Variants in UBE2E2 observed in about 807,000 individuals in gnomAD.
The protein encoded by UBE2E2 is ubiquitin conjugating enzyme E2 E2.
In UBE2E2, 6 loss-of-function variants were observed where a neutral mutation model predicts 24.7. That is an observed-to-expected ratio of 0.24 (90% confidence interval 0.13 to 0.48). UBE2E2 has a LOEUF of 0.48. Ranked by LOEUF, UBE2E2 falls within the 20% of genes least tolerant of loss-of-function variation. The probability of loss-of-function intolerance (pLI) is 0.99; values close to 1 mark genes in which losing one functional copy is unlikely to be tolerated. For missense variants in UBE2E2, 169 were observed against 245.0 expected (o/e 0.69, Z 2.07); for synonymous variants, 104 against 83.6 (o/e 1.24, Z -1.33).
chr3:23,215,560 T>C (rs1696453025), intron 2 of UBE2E2, among the ~76,000 whole-genome samples: 1 of 152,154 alleles, frequency 6.6e-6, no homozygotes, highest in Non-Finnish European at 1.5e-5. Context: ...GGATTTCTGA[T>C]TACTTCCCCC....
chr3:23,391,953 T>C (rs1032602699), intron 3 of UBE2E2, among the ~76,000 whole-genome samples: 3 of 152,156 alleles, frequency 2.0e-5, no homozygotes, highest in Non-Finnish European at 4.4e-5. Context: ...GAATATCTAT[T>C]CCTCTCCAAA....
chr3:23,269,505 A>T (rs1698173824), intron 3 of UBE2E2, among the ~76,000 whole-genome samples: 1 of 152,196 alleles, frequency 6.6e-6, no homozygotes, highest in African/African-American at 2.4e-5. Flanking sequence ...GAAGGATCAC[A>T]GTCTGCCAGG....
At chr3:23,476,552 G>A (rs1373252442) in intron 3 of UBE2E2, among the ~76,000 whole-genome samples, 2 of 152,024 alleles carry the variant, frequency 1.3e-5, no homozygotes, top group African/African-American at 4.8e-5. Flanking sequence ...AAAATTAATG[G>A]GGTCTGGTGG....
chr3:23,385,837 A>C (rs1696793865), intron 3 of UBE2E2, among the ~76,000 whole-genome samples: 1 of 152,240 alleles, frequency 6.6e-6, no homozygotes, highest in South Asian at 2.1e-4. Context: ...GAAGTTTTTC[A>C]ATAAAGGAGG....
Position 23,258,675 on chromosome 3 carries a change from C to T in UBE2E2, c.227+41363C>T, listed in dbSNP as rs184546845. The stretch of plus-strand genomic sequence containing the variant: ...TTGGGAGGCCGAGGCGGGCAGATCA[C>T]GAGCTCAGGAGATGGAGACCATCCT... On this transcript the variant is annotated intron_variant, in intron 3 of 5. Coordinates refer to ENST00000396703, the MANE Select transcript of UBE2E2 (RefSeq NM_152653.4). Among the ~76,000 whole-genome samples the T allele has an allele frequency of 2.2e-4, 33 of 152,150 alleles. 1 individual carries two copies. In the East Asian group the frequency reaches 4.3e-3, roughly 20 times the overall value.
chr3:23,295,407 T>TC (rs1415477948), intron 3 of UBE2E2, among the ~76,000 whole-genome samples: 1 of 152,224 alleles, frequency 6.6e-6, no homozygotes, highest in Non-Finnish European at 1.5e-5. Flanking sequence ...TGCAGATTCC[T>TC]CTAAAGAGGG....
chr3:23,522,272 A>C (rs1364566558), intron 4 of UBE2E2, among the ~76,000 whole-genome samples: 1 of 151,762 alleles, frequency 6.6e-6, no homozygotes, highest in Non-Finnish European at 1.5e-5. Context: ...CTGGGACTAC[A>C]GGCGCCCGCC....
At chr3:23,420,004 A>G (rs895153589) in intron 3 of UBE2E2, among the ~76,000 whole-genome samples, 3 of 152,202 alleles carry the variant, frequency 2.0e-5, no homozygotes, top group Non-Finnish European at 4.4e-5. Flanking sequence ...AAGACTAGGC[A>G]TGTACATACA....
intron 3 of UBE2E2, among the ~76,000 whole-genome samples, chr3:23,281,926 TTC>T (rs1698499128): frequency 6.6e-6 from 1 of 152,250 alleles, no homozygotes; most frequent in Non-Finnish European, 1.5e-5. Context: ...ATTAAATACT[TTC>T]TTTGTGCCAC....
rs187228885 is a variant in UBE2E2, at chr3:23,287,295, T to C, written c.227+69983T>C. Reference sequence around the variant, plus strand: ...TCCACTTGGCCATGATAAAATGATCTTTTAAAATGTGTTGTTGAATTTGGT... The same window carrying C: ...TCCACTTGGCCATGATAAAATGATCCTTTAAAATGTGTTGTTGAATTTGGT... On this transcript the variant is annotated intron_variant, in intron 3 of 5. Coordinates refer to ENST00000396703, the MANE Select transcript of UBE2E2 (RefSeq NM_152653.4). Among the ~76,000 whole-genome samples, 8 of 152,286 alleles carry C rather than the reference T, an allele frequency of 5.3e-5. No individual in the cohort carries two copies. In the East Asian group the frequency reaches 1.2e-3, roughly 22 times the overall value.
In UBE2E2 at chr3:23,332,079, G is replaced by A. The variant is rs148323116; in HGVS notation, c.227+114767G>A. ...ATTTTAAAGTATGTAAAGGAATATTGTGGAATAATTTGTATTAATGCTATT... is the reference window on the plus strand; with the variant it reads ...ATTTTAAAGTATGTAAAGGAATATTATGGAATAATTTGTATTAATGCTATT... On this transcript the variant is annotated intron_variant, in intron 3 of 5. Transcript: ENST00000396703. Among the ~76,000 whole-genome samples the A allele has an allele frequency of 8.5e-5, 13 of 152,228 alleles. No homozygotes were observed. The East Asian group carries it at 2.5e-3, about 29-fold the overall frequency.
intron 3 of UBE2E2, among the ~76,000 whole-genome samples, chr3:23,487,077 C>A (rs1347026367): frequency 6.6e-6 from 1 of 152,218 alleles, no homozygotes; most frequent in Non-Finnish European, 1.5e-5. Flanking sequence ...CTCAATACCC[C>A]CGGCCTCCCT....
rs139541751 is a variant in UBE2E2 at position 23,554,402 on chromosome 3, C to T, written c.508+21701C>T. Among the ~76,000 whole-genome samples the T allele has an allele frequency of 1.7e-3, 265 of 152,184 alleles. 4 individuals carry two copies. Among genetic ancestry groups the T allele is most frequent in the East Asian group, 0.015 (77 of 5,180 alleles). ...CAGTGGCTCATGCCTGTAGCCTAAG[C>T]TACTTGGGTGGCTAAGGCAGGAGGA... On this transcript the variant is annotated intron_variant, in intron 5 of 5. Transcript: ENST00000396703.
chr3:23,415,694 G>C (rs1013181398), intron 3 of UBE2E2, among the ~76,000 whole-genome samples: 2 of 151,956 alleles, frequency 1.3e-5, no homozygotes, highest in Non-Finnish European at 2.9e-5. Flanking sequence ...ACTTTTTGTA[G>C]GTCATATCAG....
intron 3 of UBE2E2, among the ~76,000 whole-genome samples, chr3:23,410,414 CAT>C (rs1384953775): frequency 1.3e-5 from 2 of 152,122 alleles, no homozygotes; most frequent in Admixed American, 6.6e-5. Context: ...CACATACTCT[CAT>C]GTGTTGAGAG....
At chr3:23,479,854 G>A (rs983245217) in intron 3 of UBE2E2, among the ~76,000 whole-genome samples, 2 of 152,162 alleles carry the variant, frequency 1.3e-5, no homozygotes, top group East Asian at 3.9e-4. Flanking sequence ...GGGTTTTTAT[G>A]TGCTCAGAAT....
At chr3:23,398,034 C>T (rs968401692) in intron 3 of UBE2E2, among the ~76,000 whole-genome samples, 1 of 152,038 alleles carries the variant, frequency 6.6e-6, no homozygotes, top group Non-Finnish European at 1.5e-5. Context: ...AACTTGGGGC[C>T]AGGCGCGGTG....
At chr3:23,476,115 A>T (rs761447541) in intron 3 of UBE2E2, among the ~76,000 whole-genome samples, 16 of 151,916 alleles carry the variant, frequency 1.1e-4, no homozygotes, top group Non-Finnish European at 2.1e-4. Flanking sequence ...CCACCAAGCA[A>T]ATTTTTTGTA....
chr3:23,217,302 C>T lies in UBE2E2; in HGVS notation c.217C>T (p.Pro73Ser). 36 of 1,612,692 alleles carry T rather than the reference C, an allele frequency of 2.2e-5. No homozygotes were observed. The highest frequency in any genetic ancestry group is 3.1e-5 in the Non-Finnish European group (36 of 1,179,066). The change falls in exon 3 of 6, where the codon CCC becomes TCC. Residue 73 changes from proline (P) to serine (S), a missense_variant. Pro to Ser is a moderately conservative substitution (Grantham distance 74, BLOSUM62 -1). Coordinates refer to ENST00000396703, the MANE Select transcript of UBE2E2 (RefSeq NM_152653.4). ...ELAEITLDPP[P>S]NCSAGPKGDN... ...TGCAGAAATCACATTGGACCCTCCT[C>T]CCAACTGTAGGTAAGTACTCATGGT... is the stretch of plus-strand genomic sequence containing the variant.
Sources: gnomAD v4.1 joint callset for allele counts (sites outside exome capture counted in the v4.1 genomes callset) on GRCh38, gnomAD v4.1.1 for gene constraint, MANE v1.5 for transcripts, NCBI Gene and HGNC (gene_info 2026-07-23, HGNC 2026-07-21) for gene names.